Variants in KIAA1549L observed in about 807,000 individuals in gnomAD.
KIAA1549L encodes UPF0606 protein KIAA1549L.
In KIAA1549L, 88 loss-of-function variants were observed where a neutral mutation model predicts 160.7. The observed-to-expected ratio is 0.55, with a 90% CI of 0.46 to 0.65. The LOEUF is 0.65. Ranked by LOEUF, KIAA1549L falls within the 30% of genes least tolerant of loss-of-function variation. The probability of loss-of-function intolerance (pLI) is 0.00; values close to 1 mark genes in which losing one functional copy is unlikely to be tolerated. For missense variants in KIAA1549L, 2,258 were observed against 2,437.5 expected, an observed-to-expected ratio of 0.93 and a Z score of 1.55; for synonymous variants, 950 against 976.7, an observed-to-expected ratio of 0.97 and a Z score of 0.51.
chr11:33,468,571 T>A (rs980915062), intron 1 of KIAA1549L, among the ~76,000 whole-genome samples: 30 of 152,354 alleles, frequency 2.0e-4, no homozygotes, highest in Non-Finnish European at 2.5e-4. Flanking sequence ...GACAGTGCCC[T>A]TATCTTCTAT....
intron 1 of KIAA1549L, among the ~76,000 whole-genome samples, chr11:33,425,225 G>C: frequency 6.6e-6 from 1 of 152,162 alleles, no homozygotes; most frequent in Non-Finnish European, 1.5e-5. Flanking sequence ...GAGCAGAAGA[G>C]AACTTACCTT....
At chr11:33,632,901 G>T (rs2133379179) in intron 16 of KIAA1549L, among the ~76,000 whole-genome samples, 1 of 152,044 alleles carries the variant, frequency 6.6e-6, no homozygotes, top group East Asian at 1.9e-4. Flanking sequence ...GGCATTTTAA[G>T]GAACACACCC....
chr11:33,527,797 A>T (rs1285472736), intron 1 of KIAA1549L, among the ~76,000 whole-genome samples: 3 of 152,240 alleles, frequency 2.0e-5, no homozygotes, highest in African/African-American at 7.2e-5. Context: ...TTCTCAAAAG[A>T]AGATGGTACA....
chr11:33,396,618 C>T lies in KIAA1549L; in HGVS notation c.238+19729C>T, dbSNP rs569452210. On this transcript the variant is annotated intron_variant, in intron 1 of 20. Transcript: ENST00000658780. Reference sequence around the variant, plus strand: ...GGACTCAGCTGAACTTACTCTTCTCCCTTTAACTTATCAATAGCATTAACT... The same window carrying T: ...GGACTCAGCTGAACTTACTCTTCTCTCTTTAACTTATCAATAGCATTAACT... 1.0e-4 allele frequency among the ~76,000 whole-genome samples: 15 copies of T among 150,598 alleles called. No homozygotes were observed. The South Asian group carries it at 1.5e-3, about 15-fold the overall frequency.
intron 1 of KIAA1549L, among the ~76,000 whole-genome samples, chr11:33,492,552 A>T (rs1852702853): frequency 6.6e-6 from 1 of 152,134 alleles, no homozygotes. Flanking sequence ...CGCACAGGTA[A>T]TAGTCCTGGA....
chr11:33,624,762 T>TTTA (rs1564929427), intron 16 of KIAA1549L, among the ~76,000 whole-genome samples: 1 of 151,938 alleles, frequency 6.6e-6, no homozygotes, highest in East Asian at 1.9e-4. Flanking sequence ...TTGCTTTTTT[T>TTTA]TTATTATTAT....
intron 1 of KIAA1549L, among the ~76,000 whole-genome samples, chr11:33,421,305 G>A (rs895125084): frequency 1.3e-5 from 2 of 152,280 alleles, no homozygotes; most frequent in African/African-American, 4.8e-5. Context: ...TTATGGGGTG[G>A]GGGTGAGCAG....
rs1325756844 is a variant in KIAA1549L, at chr11:33,465,738, T to A, written c.239-76064T>A. 3.3e-5 allele frequency among the ~76,000 whole-genome samples: 5 copies of A among 152,172 alleles called. No homozygotes were observed. In the East Asian group the frequency reaches 9.6e-4, roughly 29 times the overall value. On this transcript the variant is annotated intron_variant, in intron 1 of 20. Transcript: ENST00000658780. ...CGACAAACCTGACAAAAACAAGCAA[T>A]GGAGAAAGGATTCCCTATTTAATAG...
At chr11:33,488,132 A>G (rs536823761) in intron 1 of KIAA1549L, among the ~76,000 whole-genome samples, 1 of 152,206 alleles carries the variant, frequency 6.6e-6, no homozygotes, top group African/African-American at 2.4e-5. Flanking sequence ...ACTTCTAAAT[A>G]TGGTTGGCAA....
intron 1 of KIAA1549L, among the ~76,000 whole-genome samples, chr11:33,389,656 G>C (rs948597829): frequency 2.6e-5 from 4 of 152,168 alleles, no homozygotes; most frequent in Non-Finnish European, 5.9e-5. Context: ...CTAGTCTCTA[G>C]TCCAGCAATA....
rs201297743 is a variant in KIAA1549L at position 33,477,502 on chromosome 11, T to TGCAC, written c.239-64295_239-64292dup. On this transcript the variant is annotated intron_variant, in intron 1 of 20. Transcript: ENST00000658780. The stretch of plus-strand genomic sequence containing the variant: ...AATCTGTGGTGGAGTGCCACGCAGG[T>TGCAC]GCACGCACACACACACAAACACACA... Among the ~76,000 whole-genome samples, 848 of 140,192 alleles carry TGCAC rather than the reference T, an allele frequency of 6.0e-3. 13 individuals carry two copies. Among genetic ancestry groups the TGCAC allele is most frequent in the African/African-American group, 0.024 (817 of 33,736 alleles). 92.0% of individuals were successfully genotyped at this position (140,192 alleles called of 152,430 possible).
chr11:33,486,865 G>C (rs76792040), intron 1 of KIAA1549L, among the ~76,000 whole-genome samples: 2,830 of 152,242 alleles, frequency 0.019, 82 homozygotes, highest in African/African-American at 0.062. Context: ...TATTCTCAGC[G>C]TTGTTCTACC....
Position 33,545,247 on chromosome 11 carries a change from C to G in KIAA1549L, c.3254C>G (p.Thr1085Ser). Residue 1085 changes from threonine (T) to serine (S), a missense_variant, in exon 3 of 21, where the codon ACC (threonine) becomes AGC (serine). Around this residue, in one of 6 missense-constraint regions of KIAA1549L, gnomAD observed 1,359 missense variants for 1,546.6 expected, o/e 0.88. Coordinates refer to ENST00000658780, the MANE Select transcript of KIAA1549L (RefSeq NM_012194.3). ...LTSITASVKA[T>S]RLPPLRAENT... is the part of the protein sequence containing the mutation. ...TCCATTACAGCCTCAGTGAAGGCCACCCGGTTGCCACCATTGCGAGCAGAA... is the reference window on the plus strand; with the variant it reads ...TCCATTACAGCCTCAGTGAAGGCCAGCCGGTTGCCACCATTGCGAGCAGAA... 1 of 1,614,030 alleles carries G rather than the reference C, an allele frequency of 6.2e-7. No homozygotes were observed. Among genetic ancestry groups the G allele is most frequent in the Admixed American group, 1.7e-5 (1 of 60,030 alleles).
At chr11:33,647,605 C>T (rs1257087879) in intron 17 of KIAA1549L, among the ~76,000 whole-genome samples, 1 of 151,994 alleles carries the variant, frequency 6.6e-6, no homozygotes, top group African/African-American at 2.4e-5. Flanking sequence ...TTTAAAAAGA[C>T]ATAGTTTTAT....
At chr11:33,603,601 G>A (rs555766861) in intron 13 of KIAA1549L, among the ~76,000 whole-genome samples, 17 of 152,278 alleles carry the variant, frequency 1.1e-4, no homozygotes, top group African/African-American at 3.9e-4. Context: ...GAGGTCAGGA[G>A]TTCGAGACCA....
intron 1 of KIAA1549L, among the ~76,000 whole-genome samples, chr11:33,497,049 G>A (rs896411751): frequency 2.0e-5 from 3 of 151,864 alleles, no homozygotes; most frequent in African/African-American, 7.3e-5. Context: ...CCACTCACAC[G>A]GTAGCTCCAA....
At chr11:33,439,922 C>T (rs1851461247) in intron 1 of KIAA1549L, among the ~76,000 whole-genome samples, 1 of 151,942 alleles carries the variant, frequency 6.6e-6, no homozygotes, top group South Asian at 2.1e-4. Flanking sequence ...TAGCTTATTT[C>T]TTTTAAACTA....
At chr11:33,446,131 G>A (rs1339915524) in intron 1 of KIAA1549L, among the ~76,000 whole-genome samples, 1 of 140,428 alleles carries the variant, frequency 7.1e-6, no homozygotes, top group Non-Finnish European at 1.5e-5. Flanking sequence ...GCCTTGCTCT[G>A]TCACCCAGGC....
At chr11:33,453,182 A>C (rs1250533184) in intron 1 of KIAA1549L, among the ~76,000 whole-genome samples, 1 of 152,206 alleles carries the variant, frequency 6.6e-6, no homozygotes, top group Non-Finnish European at 1.5e-5. Flanking sequence ...AGACACTGAG[A>C]GTGTCAGTGA....
Sources: gnomAD v4.1 joint callset for allele counts (sites outside exome capture counted in the v4.1 genomes callset) on GRCh38, gnomAD v4.1.1 for gene constraint, gnomAD v4.1.1 regional missense constraint, MANE v1.5 for transcripts, NCBI Gene and HGNC (gene_info 2026-07-23, HGNC 2026-07-21) for gene names.